The following BRD1 variants were observed in gnomAD, a reference collection of about 807,000 sequenced individuals.
The protein encoded by BRD1 is bromodomain containing 1.
In BRD1, 24 loss-of-function variants were observed where a neutral mutation model predicts 107.7. That is an observed-to-expected ratio of 0.22 (90% CI 0.16 to 0.31). BRD1 has a LOEUF of 0.31. Ranked by LOEUF, BRD1 falls within the 10% of genes least tolerant of loss-of-function variation. The pLI is 1.00. For synonymous variants in BRD1, 744 were observed against 686.1 expected (o/e 1.08, Z -1.32); for missense variants, 1,279 against 1,638.6 (o/e 0.78, Z 3.79).
intron 8 of BRD1, among the ~76,000 whole-genome samples, chr22:49,779,767 A>G (rs2146954331): frequency 6.6e-6 from 1 of 151,718 alleles, no homozygotes; most frequent in East Asian, 1.9e-4. Flanking sequence ...ACCCCTCAGG[A>G]GCAGCGACTC....
rs143063901 is a variant in BRD1 at position 49,776,113 on chromosome 22, C to T, written c.3168G>A (p.Ser1056=). 1.9e-5 allele frequency: 30 copies of T among 1,605,480 alleles called. No individual in the cohort carries two copies. In the Admixed American group the frequency reaches 2.3e-4, roughly 13 times the overall value. The change falls in exon 11 of 13, where the codon TCG becomes TCA. Residue 1056 remains serine, a synonymous_variant. Coordinates refer to ENST00000404760, the MANE Select transcript of BRD1 (RefSeq NM_001304808.3). ...SMWISTDAAA[S]VLEPLKVVWA... ...ACACCACCTTCAGAGGCTCCAGCACCGAGGCGGCGGCATCAGTGGAGATCC... is the reference window on the plus strand; with the variant it reads ...ACACCACCTTCAGAGGCTCCAGCACTGAGGCGGCGGCATCAGTGGAGATCC...
rs927161554 is a variant in BRD1 at position 49,803,225 on chromosome 22, C to T, written c.1524+979G>A. Among the ~76,000 whole-genome samples the T allele has an allele frequency of 6.6e-6, 1 of 151,766 alleles. No homozygotes were observed. The highest frequency in any genetic ancestry group is 6.5e-5 in the Admixed American group (1 of 15,272). ...AGAGGCAGAGTCTGCGAGGCAGAGA[C>T]AGCACCGGCCACCGCACCACCGCAC... On this transcript the variant is annotated intron_variant, in intron 3 of 12. Transcript: ENST00000404760. This position sits in a 1 kb window ranked among gnomAD's most constrained non-coding sequence, Gnocchi z 4.4.
In BRD1 at chr22:49,784,240, G is replaced by C. The variant is rs569679398; in HGVS notation, c.2857+3150C>G. On this transcript the variant is annotated intron_variant, in intron 8 of 12. Coordinates refer to ENST00000404760, the MANE Select transcript of BRD1 (RefSeq NM_001304808.3). Reference sequence around the variant, plus strand: ...GGTGAGTGGACAAAGACACCCCCGCGCTCTCACGCCCCAGCACGTGCACAG... The same window carrying C: ...GGTGAGTGGACAAAGACACCCCCGCCCTCTCACGCCCCAGCACGTGCACAG... 2.0e-5 allele frequency among the ~76,000 whole-genome samples: 3 copies of C among 149,382 alleles called. No individual in the cohort carries two copies. The East Asian group carries it at 5.9e-4, about 30-fold the overall frequency.
chr22:49,775,836 C>CCCCCCCCTT, intron 11 of BRD1, 91 bp from the exon 12 acceptor site: 1 of 1,270,246 alleles, frequency 7.9e-7, no homozygotes, highest in Admixed American at 2.4e-5. Context: ...CCTCCCCACC[C>CCCCCCCCTT]CAGCTGTGTG....
intron 7 of BRD1, among the ~76,000 whole-genome samples, chr22:49,790,006 C>G (rs1202739271): frequency 6.6e-6 from 1 of 152,248 alleles, no homozygotes; most frequent in East Asian, 1.9e-4. Flanking sequence ...CGCCCCTGGC[C>G]TCTCTGCGGC....
chr22:49,775,719 C>G lies in BRD1; in HGVS notation c.3258G>C (p.Val1086=), dbSNP rs1446383067. The G allele has an allele frequency of 2.3e-5, 37 of 1,612,920 alleles. No homozygotes were observed. Among genetic ancestry groups the G allele is most frequent in the Non-Finnish European group, 3.1e-5 (37 of 1,179,620 alleles). The change falls in exon 12 of 13, where the codon GTG becomes GTC. Residue 1086 remains valine, a synonymous_variant. Coordinates refer to ENST00000404760, the MANE Select transcript of BRD1 (RefSeq NM_001304808.3). ...TGGTGACGCCGTTGTGGTGGCCAGG[C>G]ACACGGGGCATCTTGGGGTCGATGA... ...ALIIDPKMPR[V]PGHHNGVTIP...
intron 1 of BRD1, among the ~76,000 whole-genome samples, 162 bp downstream of exon 1, chr22:49,827,335 G>C (rs2060157244): frequency 6.7e-6 from 1 of 149,980 alleles, no homozygotes; most frequent in South Asian, 2.1e-4. Context: ...CGGCATCCCG[G>C]GCTCCCGGCC....
At position 49,823,042 on chromosome 22, in the gene BRD1, C is replaced by T. The variant is rs2060099826; in HGVS notation, c.1276G>A (p.Val426Ile). 3.1e-6 allele frequency: 5 copies of T among 1,614,238 alleles called. No individual in the cohort carries two copies. The highest frequency in any genetic ancestry group is 4.2e-6 in the Non-Finnish European group (5 of 1,180,054). The change falls in exon 2 of 13, where the codon GTC (valine) becomes ATC (isoleucine). Residue 426 changes from valine (V) to isoleucine (I), a missense_variant. Transcript: ENST00000404760. ...TTAGCCTTTTTTGCCTTCTTCCTGA[C>T]CTTGGATGTGGACCTGACCGTTTTA... ...SVKTVRSTSKVRKKAKKAKKA... is the reference protein window; with the variant it reads ...SVKTVRSTSKIRKKAKKAKKA...
chr22:49,780,126 A>C (rs774801259), intron 8 of BRD1, among the ~76,000 whole-genome samples: 2 of 152,158 alleles, frequency 1.3e-5, no homozygotes, highest in Non-Finnish European at 2.9e-5. Context: ...AAGACTGCCC[A>C]GAGGTGCCAG....
At chr22:49,805,298 A>T (rs1601694171) in intron 2 of BRD1, among the ~76,000 whole-genome samples, 2 of 152,260 alleles carry the variant, frequency 1.3e-5, no homozygotes, top group East Asian at 3.9e-4. Flanking sequence ...TCAAGCGTGG[A>T]GCCTGCAGGA....
At position 49,792,847 on chromosome 22, in the gene BRD1, C is replaced by T. The variant is rs1303367079; in HGVS notation, c.2359+1187G>A. On this transcript the variant is annotated intron_variant, in intron 7 of 12. Coordinates refer to ENST00000404760, the MANE Select transcript of BRD1 (RefSeq NM_001304808.3). The surrounding 1 kb of genome is among the most constrained non-coding windows in gnomAD (Gnocchi z 4.2). ...CAAATGTAAAACAGGATAAAAGGGG[C>T]GAAGCTCTGCAGACAGGAGCCACAA... 3.9e-5 allele frequency among the ~76,000 whole-genome samples: 6 copies of T among 152,072 alleles called. No individual in the cohort carries two copies. Among genetic ancestry groups the T allele is most frequent in the South Asian group, 2.1e-4 (1 of 4,820 alleles).
chr22:49,787,319 C>G, intron 8 of BRD1, 71 bp downstream of exon 8: 1 of 1,312,532 alleles, frequency 7.6e-7, no homozygotes. Flanking sequence ...CCCCGTCACA[C>G]CAATGATCCT....
At position 49,788,259 on chromosome 22, in the gene BRD1, G is replaced by A. The variant is rs1406726104; in HGVS notation, c.2360-372C>T. On this transcript the variant is annotated intron_variant, in intron 7 of 12. Transcript: ENST00000404760. Reference sequence around the variant, plus strand: ...TCACATAACTAAAGGGGCCTTAAACGGGCATTCCCACAGAGCTCTACTGGG... The same window carrying A: ...TCACATAACTAAAGGGGCCTTAAACAGGCATTCCCACAGAGCTCTACTGGG... Among the ~76,000 whole-genome samples the A allele has an allele frequency of 2.0e-5, 3 of 152,158 alleles. No individual in the cohort carries two copies. In the South Asian group the frequency reaches 6.2e-4, roughly 31 times the overall value.
chr22:49,799,552 A>C (rs1388407743), intron 3 of BRD1, among the ~76,000 whole-genome samples: 1 of 152,168 alleles, frequency 6.6e-6, no homozygotes, highest in Non-Finnish European at 1.5e-5. Context: ...GGTGCACAGA[A>C]AACCACATGC....
intron 2 of BRD1, 139 bp downstream of exon 2, chr22:49,822,812 C>T (rs2060093851): frequency 1.0e-6 from 1 of 978,014 alleles, no homozygotes; most frequent in African/African-American, 1.6e-5. Flanking sequence ...AGCAGAACCA[C>T]ACTTCAGGGG....
At position 49,824,641 on chromosome 22, in the gene BRD1, C is replaced by T. The variant is rs1423250631; in HGVS notation, c.-14-310G>A. On this transcript the variant is annotated intron_variant, in intron 1 of 12. Transcript: ENST00000404760. This position sits in a 1 kb window ranked among gnomAD's most constrained non-coding sequence, Gnocchi z 5.9. ...CAACAGGCTGCGGAGACCACAGCAA[C>T]GCTCCCCAAGGAGGAGGGGTCCGGC... The T allele has an allele frequency of 9.4e-6, 11 of 1,168,750 alleles. 1 individual carries two copies. The highest frequency in any genetic ancestry group is 5.1e-5 in the East Asian group (1 of 19,758). 72.4% of individuals were successfully genotyped at this position (1,168,750 alleles called of 1,614,324 possible). A position where few individuals can be genotyped will look rare whatever the true frequency, so the allele number is the denominator to read the frequency against.
intron 2 of BRD1, chr22:49,818,077 T>A (rs2059988969): frequency 1.1e-5 from 4 of 369,798 alleles, no homozygotes; most frequent in Non-Finnish European, 7.7e-6. Flanking sequence ...CTTCCCTTCC[T>A]AAGGCTGACC....
At position 49,803,899 on chromosome 22, in the gene BRD1, C is replaced by A. The variant is rs1284040386; in HGVS notation, c.1524+305G>T. ...CAGCATAACACATCCCTGAGCATCC[C>A]CAGTCCCCAGAGCTGGCCACTGCCC... On this transcript the variant is annotated intron_variant, in intron 3 of 12. Coordinates refer to ENST00000404760, the MANE Select transcript of BRD1 (RefSeq NM_001304808.3). The surrounding 1 kb of genome is among the most constrained non-coding windows in gnomAD (Gnocchi z 4.4). Among the ~76,000 whole-genome samples, 1 of 152,230 alleles carries A rather than the reference C, an allele frequency of 6.6e-6. No homozygotes were observed. Among genetic ancestry groups the A allele is most frequent in the African/African-American group, 2.4e-5 (1 of 41,448 alleles).
chr22:49,804,486 C>A (rs1168712753), intron 2 of BRD1, 126 bp from the exon 3 acceptor site: 1 of 1,071,360 alleles, frequency 9.3e-7, no homozygotes, highest in African/African-American at 1.6e-5. Context: ...TAAGCCATGA[C>A]ACCTGTATTT....
Sources: allele counts gnomAD v4.1 joint callset (sites outside exome capture counted in the v4.1 genomes callset), GRCh38; gene constraint gnomAD v4.1.1; non-coding constraint Gnocchi (gnomAD v3.1); transcripts MANE v1.5; gene names NCBI Gene and HGNC (gene_info 2026-07-23, HGNC 2026-07-21).